ZSCAN5A: variants seen among roughly 807,000 people sequenced by gnomAD.
ZSCAN5A encodes the protein zinc finger and SCAN domain-containing protein 5A.
ZSCAN5A carries 12 observed loss-of-function variants against 23.7 expected under a neutral mutation model. That is an observed-to-expected ratio of 0.51 (90% CI 0.32 to 0.82). The LOEUF is 0.82. ZSCAN5A is among the 40% of genes least tolerant of loss of function. The pLI is 0.03. For missense variants in ZSCAN5A, 597 were observed against 617.9 expected, an observed-to-expected ratio of 0.97 and a Z score of 0.36; for synonymous variants, 257 against 239.9, an observed-to-expected ratio of 1.07 and a Z score of -0.66.
chr19:56,302,393 C>T (rs547442380), intron 2 of ZSCAN5A, among the ~76,000 whole-genome samples: 112 of 144,516 alleles, frequency 7.8e-4, no homozygotes, highest in South Asian at 1.4e-3. Context: ...TCTCCTCCCT[C>T]CCTATTCTTT....
intron 2 of ZSCAN5A, among the ~76,000 whole-genome samples, chr19:56,248,380 C>A (rs7247990): frequency 6.6e-6 from 1 of 151,978 alleles, no homozygotes; most frequent in African/African-American, 2.4e-5. Flanking sequence ...GCCGTCTTGG[C>A]CGCCGGAGTA....
chr19:56,318,665 GAAAAT>G (rs2041342405), upstream of ZSCAN5A, among the ~76,000 whole-genome samples: 1 of 152,106 alleles, frequency 6.6e-6, no homozygotes, highest in Admixed American at 6.5e-5. Flanking sequence ...ATACATAAGA[GAAAAT>G]AAAATCAATG....
At chr19:56,285,991 A>G (rs1355070333) in intron 2 of ZSCAN5A, among the ~76,000 whole-genome samples, 1 of 152,184 alleles carries the variant, frequency 6.6e-6, no homozygotes, top group Non-Finnish European at 1.5e-5. Flanking sequence ...TTGTTTCCCC[A>G]CACCTTCAGC....
intron 2 of ZSCAN5A, chr19:56,284,197 G>A: frequency 3.0e-6 from 3 of 985,296 alleles, no homozygotes; most frequent in Non-Finnish European, 3.6e-6. Context: ...GCTGCCATCA[G>A]GGATCATAGG....
At chr19:56,253,676 C>T (rs376779599) in intron 2 of ZSCAN5A, among the ~76,000 whole-genome samples, 3 of 151,914 alleles carry the variant, frequency 2.0e-5, no homozygotes, top group Non-Finnish European at 4.4e-5. Context: ...AATGAGGACG[C>T]GTGGGGAGAC....
intron 2 of ZSCAN5A, chr19:56,263,742 C>A (rs550461992): frequency 1.3e-5 from 2 of 151,994 alleles, no homozygotes; most frequent in African/African-American, 4.8e-5. Flanking sequence ...CAAGGAATTG[C>A]GAAAATCACC....
chr19:56,272,755 G>A lies in ZSCAN5A; in HGVS notation c.-128+40528C>T, dbSNP rs554138203. 1.9e-5 allele frequency: 10 copies of A among 515,558 alleles called. No individual in the cohort carries two copies. The East Asian group carries it at 9.0e-4, about 46-fold the overall frequency. The allele number at this position is 515,558 out of a possible 1,614,324, so 31.9% of individuals were successfully genotyped here. ...GTGTGGGCAGTTAGTTTTGTCCCTG[G>A]AGCCTGGGAAGACGGTGGGTGACCA... On this transcript the variant is annotated intron_variant, in intron 2 of 5. Transcript: ENST00000683990.
rs539898543 is a variant in ZSCAN5A at position 56,239,930 on chromosome 19, G to A, written c.-127-14757C>T. Reference sequence around the variant, plus strand: ...TGTAATCTCAGCACTTTGGGAGGCCGAGGTGGGCAGATCACTAGGTCAGGA... The same window carrying A: ...TGTAATCTCAGCACTTTGGGAGGCCAAGGTGGGCAGATCACTAGGTCAGGA... On this transcript the variant is annotated intron_variant, in intron 2 of 5. Transcript: ENST00000683990. Among the ~76,000 whole-genome samples the A allele has an allele frequency of 4.5e-3, 678 of 152,232 alleles. 1 individual carries two copies. Among genetic ancestry groups the A allele is most frequent in the African/African-American group, 0.016 (645 of 41,538 alleles).
At chr19:56,306,961 C>T (rs112345079) in intron 2 of ZSCAN5A, among the ~76,000 whole-genome samples, 2 of 40,082 alleles carry the variant, frequency 5.0e-5, no homozygotes, top group Non-Finnish European at 4.6e-5. Context: ...CCTCCCTGGC[C>T]TCTCCCACGT....
chr19:56,352,873 G>A lies in ZSCAN5A; in HGVS notation c.-358+10362C>T, dbSNP rs895177832. 1.3e-5 allele frequency among the ~76,000 whole-genome samples: 2 copies of A among 152,226 alleles called. No individual in the cohort carries two copies. Among genetic ancestry groups the A allele is most frequent in the African/African-American group, 4.8e-5 (2 of 41,460 alleles). ...CTCAGGGAAGCCCAAGTCAAGTCTG[G>A]TCGAGGAGAAGGTCTTTGCCAGATG... On this transcript the variant is annotated intron_variant, in intron 2 of 6. Transcript: ENST00000587340. This position sits in a 1 kb window ranked among gnomAD's most constrained non-coding sequence, Gnocchi z 4.2.
At chr19:56,342,172 C>T (rs573911128) in intron 2 of ZSCAN5A, among the ~76,000 whole-genome samples, 1 of 151,894 alleles carries the variant, frequency 6.6e-6, no homozygotes, top group Admixed American at 6.6e-5. Flanking sequence ...TTATACAGAC[C>T]ATTCATGACA....
chr19:56,307,749 T>C (rs1398405645), intron 2 of ZSCAN5A, among the ~76,000 whole-genome samples: 1 of 152,240 alleles, frequency 6.6e-6, no homozygotes, highest in Non-Finnish European at 1.5e-5. Flanking sequence ...AACAGGTTGG[T>C]GTGGCTCTCC....
intron 2 of ZSCAN5A, among the ~76,000 whole-genome samples, chr19:56,326,493 C>T (rs1444422396): frequency 6.6e-6 from 1 of 152,094 alleles, no homozygotes; most frequent in African/African-American, 2.4e-5. Context: ...CAACCCTCCA[C>T]CCCTGGTAAC....
At chr19:56,294,248 T>C (rs1381677721) in intron 2 of ZSCAN5A, among the ~76,000 whole-genome samples, 3 of 152,088 alleles carry the variant, frequency 2.0e-5, no homozygotes, top group African/African-American at 4.8e-5. Context: ...AGCTCTGTAC[T>C]GGGCGATTCA....
intron 1 of ZSCAN5A, chr19:56,365,937 T>G (rs1600305975): frequency 2.0e-5 from 3 of 152,192 alleles, no homozygotes; most frequent in Admixed American, 2.0e-4. Flanking sequence ...CTGAGAAAAG[T>G]CCCCAGCTGG....
intron 2 of ZSCAN5A, among the ~76,000 whole-genome samples, chr19:56,360,685 G>A (rs1342525406): frequency 6.6e-6 from 1 of 151,802 alleles, no homozygotes; most frequent in Non-Finnish European, 1.5e-5. Flanking sequence ...ATTAACTCTA[G>A]ATGGATTAAA....
At chr19:56,298,042 C>T (rs1411690482) in intron 2 of ZSCAN5A, 2 of 149,726 alleles carry the variant, frequency 1.3e-5, no homozygotes. Flanking sequence ...GCCACCGCAT[C>T]CGGCCTGGGT....
At chr19:56,278,354 G>A (rs2038424402) in intron 2 of ZSCAN5A, among the ~76,000 whole-genome samples, 1 of 152,124 alleles carries the variant, frequency 6.6e-6, no homozygotes, top group South Asian at 2.1e-4. Context: ...GGCTGGTTTT[G>A]AACTCCTGAC....
Position 56,222,630 on chromosome 19 carries a change from C to G in ZSCAN5A, c.700G>C (p.Gly234Arg). The change falls in exon 5 of 6, where the codon GGA (glycine) becomes CGA (arginine). Residue 234 changes from glycine (G) to arginine (R), a missense_variant. Around this residue, in one of 5 missense-constraint regions of ZSCAN5A, gnomAD observed 406 missense variants for 353.2 expected, o/e 1.15. Coordinates refer to ENST00000683990, the MANE Select transcript of ZSCAN5A (RefSeq NM_001322064.3). ...AGCTGAGGCTCTGGGGATGTCAGTC[C>G]TGGGTTCTCTTCCCTGTTTTCCTTC... ...DLKENREENP[G>R]LTSPEPQLPK... The G allele has an allele frequency of 1.2e-6, 2 of 1,614,204 alleles. No individual in the cohort carries two copies. Among genetic ancestry groups the G allele is most frequent in the East Asian group, 2.2e-5 (1 of 44,884 alleles).
Sources: gnomAD v4.1 joint callset for allele counts (sites outside exome capture counted in the v4.1 genomes callset) on GRCh38, gnomAD v4.1.1 for gene constraint, gnomAD v4.1.1 regional missense constraint, Gnocchi (gnomAD v3.1) non-coding constraint, MANE v1.5 for transcripts, NCBI Gene and HGNC (gene_info 2026-07-23, HGNC 2026-07-21) for gene names.